Variants in MDGA2 observed in about 807,000 individuals in gnomAD.
MDGA2 encodes MAM domain-containing glycosylphosphatidylinositol anchor protein 2.
Under a neutral mutation model 117.8 loss-of-function variants are expected in MDGA2, and 40 were observed. That is an observed-to-expected ratio of 0.34 (90% CI 0.26 to 0.44). The LOEUF (loss-of-function observed/expected upper bound fraction) is 0.44, where lower values mean the gene tolerates loss of function less well. Ranked by LOEUF, MDGA2 falls within the 20% of genes least tolerant of loss-of-function variation. The pLI is 1.00. For missense variants in MDGA2, 1,123 were observed against 1,250.6 expected, an observed-to-expected ratio of 0.90 and a Z score of 1.54; for synonymous variants, 452 against 439.0, an observed-to-expected ratio of 1.03 and a Z score of -0.37.
intron 8 of MDGA2, among the ~76,000 whole-genome samples, chr14:46,992,367 G>A (rs927444813): frequency 1.3e-5 from 2 of 152,024 alleles, no homozygotes; most frequent in East Asian, 3.9e-4. Context: ...ACCAGAAGAC[G>A]TTCAGGACTA....
chr14:46,954,410 TAAAC>T (rs906078640), intron 9 of MDGA2, among the ~76,000 whole-genome samples: 3 of 151,992 alleles, frequency 2.0e-5, no homozygotes, highest in Non-Finnish European at 4.4e-5. Flanking sequence ...CTGGGTGGCT[TAAAC>T]AAACAAACAA....
chr14:47,267,533 C>T (rs1888007050), intron 2 of MDGA2, among the ~76,000 whole-genome samples: 2 of 151,746 alleles, frequency 1.3e-5, no homozygotes, highest in African/African-American at 4.8e-5. Context: ...TCTCAGGTCA[C>T]GAATGGCAAA....
chr14:46,878,823 G>A (rs79207616), intron 11 of MDGA2, among the ~76,000 whole-genome samples: 5,544 of 151,940 alleles, frequency 0.036, 352 homozygotes, highest in African/African-American at 0.13. Flanking sequence ...AGATGTAAGC[G>A]TCCTTGAATT....
chr14:46,891,640 A>C (rs1882887687), intron 10 of MDGA2, among the ~76,000 whole-genome samples: 1 of 151,622 alleles, frequency 6.6e-6, no homozygotes, highest in Non-Finnish European at 1.5e-5. Context: ...AAAACATTTG[A>C]CATTTAATGA....
At chr14:47,009,219 A>G (rs1887814793) in intron 8 of MDGA2, among the ~76,000 whole-genome samples, 1 of 152,020 alleles carries the variant, frequency 6.6e-6, no homozygotes, top group Admixed American at 6.6e-5. Context: ...TTATATATAA[A>G]TTTATTCTAC....
intron 5 of MDGA2, among the ~76,000 whole-genome samples, chr14:47,127,241 T>A (rs1287520562): frequency 1.3e-5 from 2 of 152,148 alleles, no homozygotes; most frequent in Non-Finnish European, 2.9e-5. Flanking sequence ...TAGGAGCAAC[T>A]GACTTTCACA....
intron 8 of MDGA2, among the ~76,000 whole-genome samples, chr14:46,975,953 TA>T (rs1429227971): frequency 6.6e-6 from 1 of 152,106 alleles, no homozygotes; most frequent in South Asian, 2.1e-4. Context: ...CCTCATGACC[TA>T]ACCACCTCCC....
At chr14:47,421,718 C>A (rs575011934) in intron 1 of MDGA2, among the ~76,000 whole-genome samples, 7 of 152,064 alleles carry the variant, frequency 4.6e-5, no homozygotes, top group African/African-American at 1.4e-4. Context: ...TTAAAAGAAA[C>A]CTCTCATGAA....
chr14:47,328,285 C>T (rs561806734), intron 1 of MDGA2, among the ~76,000 whole-genome samples: 1 of 152,256 alleles, frequency 6.6e-6, no homozygotes, highest in Non-Finnish European at 1.5e-5. Context: ...GAAAGATTTT[C>T]TCCACACAGT....
At chr14:47,286,811 A>ATATATATATATACATATATATATG (rs1888693208) in intron 2 of MDGA2, among the ~76,000 whole-genome samples, 4 of 117,366 alleles carry the variant, frequency 3.4e-5, no homozygotes, top group African/African-American at 5.8e-5. Flanking sequence ...CATTATATAT[A>ATATATATATATACATATATATATG]TATATATATA....
At chr14:47,487,824 T>C (rs922275595) in intron 1 of MDGA2, among the ~76,000 whole-genome samples, 1 of 152,174 alleles carries the variant, frequency 6.6e-6, no homozygotes, top group Non-Finnish European at 1.5e-5. Context: ...TTCCTTTTCT[T>C]AGTCTTGGCA....
At chr14:47,572,382 C>T (rs1896037301) in intron 1 of MDGA2, among the ~76,000 whole-genome samples, 1 of 152,130 alleles carries the variant, frequency 6.6e-6, no homozygotes, top group Non-Finnish European at 1.5e-5. Flanking sequence ...GTACATCTTG[C>T]TTAAATCAGA....
At chr14:47,492,597 A>C (rs1301287893) in intron 1 of MDGA2, among the ~76,000 whole-genome samples, 1 of 152,166 alleles carries the variant, frequency 6.6e-6, no homozygotes, top group Non-Finnish European at 1.5e-5. Flanking sequence ...AAAAGATCAT[A>C]AATCTTATAA....
chr14:47,343,077 AC>A, intron 1 of MDGA2: 1 of 1,277,686 alleles, frequency 7.8e-7, no homozygotes, highest in Non-Finnish European at 1.0e-6. Context: ...AGGGATTCAT[AC>A]TTGAACATGG....
chr14:47,276,909 A>G (rs573725723), intron 2 of MDGA2, among the ~76,000 whole-genome samples: 6 of 152,268 alleles, frequency 3.9e-5, no homozygotes, highest in African/African-American at 1.4e-4. Flanking sequence ...TCTTACAAAT[A>G]TATATTTAGC....
chr14:47,374,404 C>T (rs1352488140), intron 1 of MDGA2, among the ~76,000 whole-genome samples: 1 of 152,072 alleles, frequency 6.6e-6, no homozygotes, highest in Non-Finnish European at 1.5e-5. Context: ...TCTATATAAG[C>T]AAGATTGCCA....
At chr14:47,088,945 C>G (rs1891009885) in intron 6 of MDGA2, among the ~76,000 whole-genome samples, 1 of 152,084 alleles carries the variant, frequency 6.6e-6, no homozygotes, top group African/African-American at 2.4e-5. Context: ...TAGAACTTGA[C>G]ATTAAGTAAG....
intron 8 of MDGA2, among the ~76,000 whole-genome samples, chr14:47,031,526 T>A (rs1015554036): frequency 2.6e-5 from 4 of 152,172 alleles, no homozygotes; most frequent in Admixed American, 6.5e-5. Flanking sequence ...AAACATCTTA[T>A]GGAAGAAATC....
At chr14:47,171,984 A>G (rs112820353) in intron 3 of MDGA2, among the ~76,000 whole-genome samples, 32 of 152,262 alleles carry the variant, frequency 2.1e-4, no homozygotes, top group Admixed American at 6.5e-4. Flanking sequence ...ACGGTGCACC[A>G]GGAGATTATA....
Sources: allele counts gnomAD v4.1 joint callset (sites outside exome capture counted in the v4.1 genomes callset), GRCh38; gene constraint gnomAD v4.1.1; transcripts MANE v1.5; gene names NCBI Gene and HGNC (gene_info 2026-07-23, HGNC 2026-07-21).